FGF12: variants seen among roughly 807,000 people sequenced by gnomAD.
FGF12 encodes fibroblast growth factor 12B.
A neutral mutation model predicts 23.6 loss-of-function variants in FGF12; 14 were observed. The observed-to-expected ratio is 0.59, with a 90% CI of 0.39 to 0.93. The LOEUF (loss-of-function observed/expected upper bound fraction) is 0.93, where lower values mean the gene tolerates loss of function less well. Ranked by LOEUF, FGF12 falls within the 40% of genes least tolerant of loss-of-function variation. The pLI, the probability that FGF12 is intolerant of heterozygous loss-of-function variation, is 0.00. For synonymous variants in FGF12, 62 were observed against 77.3 expected, an observed-to-expected ratio of 0.80 and a Z score of 1.04; for missense variants, 175 against 217.8, an observed-to-expected ratio of 0.80 and a Z score of 1.24.
intron 2 of FGF12, among the ~76,000 whole-genome samples, chr3:192,493,842 C>A (rs1014935269): frequency 6.6e-6 from 1 of 152,136 alleles, no homozygotes; most frequent in African/African-American, 2.4e-5. Context: ...TCACCTCCCA[C>A]CAGGCCCCAC....
chr3:192,419,122 T>G (rs965219381), intron 2 of FGF12, among the ~76,000 whole-genome samples: 1 of 152,304 alleles, frequency 6.6e-6, no homozygotes, highest in Non-Finnish European at 1.5e-5. Context: ...AAATCTAGTT[T>G]AGCTCACTCC....
intron 2 of FGF12, among the ~76,000 whole-genome samples, chr3:192,557,128 G>T (rs1336698204): frequency 2.0e-5 from 3 of 151,470 alleles, no homozygotes; most frequent in Admixed American, 6.6e-5. Flanking sequence ...AAACCTTAAT[G>T]GTATACCTGA....
At position 192,252,308 on chromosome 3, in the gene FGF12, A is replaced by G. The variant is rs140211198; in HGVS notation, c.229-81652T>C. ...AAACCCTGTCTCTACTAAAAAATAC[A>G]AAAATTAGCCAGGAGTGGTGGTAGC... On this transcript the variant is annotated intron_variant, in intron 4 of 5. Coordinates refer to ENST00000445105, the MANE Select transcript of FGF12 (RefSeq NM_004113.6). Among the ~76,000 whole-genome samples, 1,349 of 151,678 alleles carry G rather than the reference A, an allele frequency of 8.9e-3. 18 individuals carry two copies. The highest frequency in any genetic ancestry group is 0.031 in the African/African-American group (1,278 of 41,382).
intron 2 of FGF12, among the ~76,000 whole-genome samples, chr3:192,616,756 A>G (rs1237076197): frequency 6.6e-6 from 1 of 151,788 alleles, no homozygotes; most frequent in Non-Finnish European, 1.5e-5. Flanking sequence ...TGTATATGAG[A>G]ATGTCCTGTG....
chr3:192,618,621 G>C lies in FGF12; in HGVS notation c.13+108560C>G, dbSNP rs140551826. Among the ~76,000 whole-genome samples the C allele has an allele frequency of 4.6e-3, 698 of 152,166 alleles. 7 individuals carry two copies. The highest frequency in any genetic ancestry group is 0.016 in the African/African-American group (661 of 41,536). ...CTCTCTAAAACTCTGGCTCAGAAAT[G>C]GACTGCTTCAAAATTTTAATTTCAG... On this transcript the variant is annotated intron_variant, in intron 2 of 5. Coordinates refer to ENST00000445105, the MANE Select transcript of FGF12 (RefSeq NM_004113.6).
intron 2 of FGF12, among the ~76,000 whole-genome samples, chr3:192,462,244 A>T (rs934212996): frequency 1.3e-5 from 2 of 152,096 alleles, no homozygotes; most frequent in African/African-American, 4.8e-5. Context: ...ACCCTCCAAA[A>T]CTCATGTTGA....
At chr3:192,384,875 G>T (rs890617858) in intron 2 of FGF12, among the ~76,000 whole-genome samples, 1 of 152,168 alleles carries the variant, frequency 6.6e-6, no homozygotes, top group African/African-American at 2.4e-5. Flanking sequence ...GAGAGAGGGT[G>T]AAAAGTGACT....
At chr3:192,332,035 C>T (rs117337422) in intron 4 of FGF12, among the ~76,000 whole-genome samples, 4 of 151,940 alleles carry the variant, frequency 2.6e-5, no homozygotes, top group African/African-American at 9.7e-5. Flanking sequence ...AATCAGAGAC[C>T]AAATTTGATA....
intron 4 of FGF12, among the ~76,000 whole-genome samples, chr3:192,232,220 ATTG>A (rs1427228539): frequency 6.6e-6 from 1 of 152,060 alleles, no homozygotes; most frequent in Non-Finnish European, 1.5e-5. Flanking sequence ...AAATATCTTC[ATTG>A]TTGTTTTCTA....
intron 4 of FGF12, among the ~76,000 whole-genome samples, chr3:192,205,207 C>A (rs1717584997): frequency 6.6e-6 from 1 of 152,044 alleles, no homozygotes; most frequent in Admixed American, 6.6e-5. Flanking sequence ...TTTGTGTGGT[C>A]CCAGAATTGT....
chr3:192,161,515 C>T (rs111953106), intron 5 of FGF12, among the ~76,000 whole-genome samples: 113 of 150,856 alleles, frequency 7.5e-4, no homozygotes, highest in African/African-American at 2.7e-3. Context: ...TACACACACA[C>T]ACACACACAC....
At chr3:192,476,191 A>G (rs1723318659) in intron 2 of FGF12, among the ~76,000 whole-genome samples, 1 of 152,198 alleles carries the variant, frequency 6.6e-6, no homozygotes, top group South Asian at 2.1e-4. Flanking sequence ...AGGGCAGGAC[A>G]ACATAAAAAT....
At chr3:192,257,266 A>G (rs1407506667) in intron 4 of FGF12, among the ~76,000 whole-genome samples, 2 of 152,154 alleles carry the variant, frequency 1.3e-5, no homozygotes, top group Non-Finnish European at 2.9e-5. Flanking sequence ...GCATTTAGCT[A>G]TAGAACCAGA....
At chr3:192,157,705 A>G (rs1714501159) in intron 5 of FGF12, among the ~76,000 whole-genome samples, 1 of 152,152 alleles carries the variant, frequency 6.6e-6, no homozygotes. Context: ...TGAAACAAAG[A>G]CTTTCTTAAA....
intron 2 of FGF12, among the ~76,000 whole-genome samples, chr3:192,420,245 C>T (rs1373202383): frequency 6.6e-6 from 1 of 152,100 alleles, no homozygotes; most frequent in African/African-American, 2.4e-5. Flanking sequence ...ATGGTTCCCT[C>T]ACATCAGGCC....
In FGF12 at chr3:192,200,223, G is replaced by A. The variant is rs879276011; in HGVS notation, c.229-29567C>T. On this transcript the variant is annotated intron_variant, in intron 4 of 5. Coordinates refer to ENST00000445105, the MANE Select transcript of FGF12 (RefSeq NM_004113.6). ...GTGCTCCTGTAGTCCCAGCTACTCC[G>A]GAGGCTGAGTCAGGAGAATTGCTTG... 7.9e-5 allele frequency among the ~76,000 whole-genome samples: 12 copies of A among 151,918 alleles called. No homozygotes were observed. The East Asian group carries it at 9.7e-4, about 12-fold the overall frequency.
intron 2 of FGF12, among the ~76,000 whole-genome samples, chr3:192,407,039 G>A (rs542215119): frequency 1.0e-3 from 154 of 152,316 alleles, no homozygotes; most frequent in African/African-American, 3.6e-3. Flanking sequence ...CAGTCTGATG[G>A]AAGCACAGAT....
At chr3:192,686,815 A>ATTTTTTTTTTTTTTTTTTTTTTTT (rs57045697) in intron 2 of FGF12, among the ~76,000 whole-genome samples, 1 of 61,434 alleles carries the variant, frequency 1.6e-5, no homozygotes, top group African/African-American at 8.2e-5. Context: ...TTTTTCTCTA[A>ATTTTTTTTTTTTTTTTTTTTTTTT]TTTTTTTTTT....
At chr3:192,430,912 C>T (rs1305480234) in intron 2 of FGF12, among the ~76,000 whole-genome samples, 1 of 152,118 alleles carries the variant, frequency 6.6e-6, no homozygotes, top group African/African-American at 2.4e-5. Context: ...TTGAGTTTTT[C>T]AAACAATTGG....
Sources: gnomAD v4.1 joint callset for allele counts (sites outside exome capture counted in the v4.1 genomes callset) on GRCh38, gnomAD v4.1.1 for gene constraint, MANE v1.5 for transcripts, NCBI Gene and HGNC (gene_info 2026-07-23, HGNC 2026-07-21) for gene names.